Variants in MYMK observed in about 807,000 individuals in gnomAD.
The protein encoded by MYMK is protein myomaker.
A neutral mutation model predicts 22.4 loss-of-function variants in MYMK; 16 were observed. That is an observed-to-expected ratio of 0.72 (90% confidence interval 0.48 to 1.09). The LOEUF (loss-of-function observed/expected upper bound fraction) is 1.09. Among genes scored for constraint, MYMK ranks in the 50% least tolerant of loss-of-function variants. The pLI is 0.00. For missense variants in MYMK, 250 were observed against 295.6 expected, an observed-to-expected ratio of 0.85 and a Z score of 1.13; for synonymous variants, 125 against 127.0, an observed-to-expected ratio of 0.98 and a Z score of 0.11.
chr9:133,520,866 G>A (rs539853357), intron 1 of MYMK, among the ~76,000 whole-genome samples: 12 of 152,274 alleles, frequency 7.9e-5, no homozygotes, highest in Non-Finnish European at 1.5e-4. Flanking sequence ...AACGCCTGGG[G>A]CCTTGTTTAG....
intron 1 of MYMK, 54 bp from the exon 2 acceptor site, chr9:133,520,342 G>T: frequency 7.0e-7 from 1 of 1,437,406 alleles, no homozygotes; most frequent in South Asian, 1.2e-5. Context: ...GCTGGTCCCC[G>T]AGCCACGGCC....
chr9:133,517,156 A>T (rs1171084481), intron 3 of MYMK, among the ~76,000 whole-genome samples: 1 of 152,064 alleles, frequency 6.6e-6, no homozygotes, highest in East Asian at 1.9e-4. Context: ...CAGCGGGAGG[A>T]GCAACCTTCA....
At chr9:133,523,018 G>A (rs1844720513) in intron 1 of MYMK, among the ~76,000 whole-genome samples, 1 of 152,174 alleles carries the variant, frequency 6.6e-6, no homozygotes, top group Non-Finnish European at 1.5e-5. Flanking sequence ...TCTGCCCTGG[G>A]TACTGGCGCT....
rs1844611655 is a variant in MYMK at position 133,514,899 on chromosome 9, C to T, written c.517-114G>A. ...CCGCCTCTGCCAGGGCACTGGGACA[C>T]CTGCAGGAAGCCTCCCCCACGGTCG... is the stretch of plus-strand genomic sequence containing the variant. On this transcript the variant is annotated intron_variant, in intron 4 of 4. Coordinates refer to ENST00000339996, the MANE Select transcript of MYMK (RefSeq NM_001080483.3). The T allele has an allele frequency of 3.3e-6, 4 of 1,217,350 alleles. No homozygotes were observed. The South Asian group carries it at 4.6e-5, about 14-fold the overall frequency. 75.4% of individuals were successfully genotyped at this position (1,217,350 alleles called of 1,614,324 possible).
At chr9:133,517,640 T>TAG (rs1844646605) in intron 3 of MYMK, among the ~76,000 whole-genome samples, 1 of 141,978 alleles carries the variant, frequency 7.0e-6, no homozygotes, top group Non-Finnish European at 1.5e-5. Flanking sequence ...CACTCCAGCC[T>TAG]GGGTGACAAG....
At chr9:133,523,290 T>C (rs540233302) in intron 1 of MYMK, among the ~76,000 whole-genome samples, 2 of 152,380 alleles carry the variant, frequency 1.3e-5, no homozygotes, top group South Asian at 4.1e-4. Flanking sequence ...TGCACTCACA[T>C]GCACTTGGCA....
chr9:133,518,121 G>A (rs1844653631), intron 3 of MYMK, among the ~76,000 whole-genome samples: 1 of 152,238 alleles, frequency 6.6e-6, no homozygotes, highest in South Asian at 2.1e-4. Flanking sequence ...CCCTTGCAAG[G>A]GTGAGCTCCC....
At position 133,515,556 on chromosome 9, in the gene MYMK, T is replaced by G. The variant is rs1844621804; in HGVS notation, c.451A>C (p.Thr151Pro). The part of the protein sequence containing the change: ...KGLYPDKSVY[T>P]QQIGPGLCFG... Reference sequence around the variant, plus strand: ...CAGAGGCCGGGGCCTATCTGCTGGGTGTAGACGCTCTTGTCTGGGTACAGG... The same window carrying G: ...CAGAGGCCGGGGCCTATCTGCTGGGGGTAGACGCTCTTGTCTGGGTACAGG... Residue 151 changes from threonine to proline, a missense_variant, in exon 4 of 5, where the codon ACC (threonine) becomes CCC (proline). By Grantham distance (38) the Thr-to-Pro change is conservative (BLOSUM62 -1). Transcript: ENST00000339996. This position sits in a 1 kb window ranked among gnomAD's most constrained non-coding sequence, Gnocchi z 5.8. The G allele has an allele frequency of 2.5e-6, 4 of 1,614,026 alleles. No homozygotes were observed. The highest frequency in any genetic ancestry group is 3.4e-6 in the Non-Finnish European group (4 of 1,179,942).
In MYMK at chr9:133,520,262, G is replaced by T; in HGVS notation, c.162C>A (p.Gly54=). The change falls in exon 2 of 5, where the codon GGC becomes GGA. Residue 54 remains glycine, a synonymous_variant. Coordinates refer to ENST00000339996, the MANE Select transcript of MYMK (RefSeq NM_001080483.3). ...GACGCATGAAGCACAGCACAGACAAGCCGGGTCCATTGCAGGCATGGTGGA... is the reference window on the plus strand; with the variant it reads ...GACGCATGAAGCACAGCACAGACAATCCGGGTCCATTGCAGGCATGGTGGA... The part of the protein sequence containing the change: ...VALHHACNGP[G]LSVLCFMRHD... 1.2e-6 allele frequency: 2 copies of T among 1,614,184 alleles called. No individual in the cohort carries two copies. Among genetic ancestry groups the T allele is most frequent in the Non-Finnish European group, 1.7e-6 (2 of 1,180,038 alleles).
At position 133,515,685 on chromosome 9, in the gene MYMK, C is replaced by T; in HGVS notation, c.400-78G>A. 2 of 963,684 alleles carry T rather than the reference C, an allele frequency of 2.1e-6. No individual in the cohort carries two copies. The highest frequency in any genetic ancestry group is 1.3e-5 in the South Asian group (1 of 75,372). The allele number at this position is 963,684 out of a possible 1,614,324, so 59.7% of individuals were successfully genotyped here. A position where few individuals can be genotyped will look rare whatever the true frequency, so the allele number is the denominator to read the frequency against. On this transcript the variant is annotated intron_variant, in intron 3 of 4. Transcript: ENST00000339996. The surrounding 1 kb of genome is among the most constrained non-coding windows in gnomAD (Gnocchi z 5.8). ...GCCCCTCCCCAAACCAGCCCGAGAGCTGGCCCTGCACAGGCTCACCCCAGC... is the reference window on the plus strand; with the variant it reads ...GCCCCTCCCCAAACCAGCCCGAGAGTTGGCCCTGCACAGGCTCACCCCAGC...
In MYMK at chr9:133,515,100, C is replaced by T. The variant is rs556748843; in HGVS notation, c.517-315G>A. Among the ~76,000 whole-genome samples the T allele has an allele frequency of 6.6e-6, 1 of 150,802 alleles. No homozygotes were observed. Among genetic ancestry groups the T allele is most frequent in the East Asian group, 2.0e-4 (1 of 5,062 alleles). ...ATCTCCCCCTCTTTTCTCTCCTTAT[C>T]CCTCTTCCCCTGTTCCTCCCTCCCT... On this transcript the variant is annotated intron_variant, in intron 4 of 4. Coordinates refer to ENST00000339996, the MANE Select transcript of MYMK (RefSeq NM_001080483.3). The surrounding 1 kb of genome is among the most constrained non-coding windows in gnomAD (Gnocchi z 5.8).
At chr9:133,521,373 G>T (rs1844701062) in intron 1 of MYMK, among the ~76,000 whole-genome samples, 2 of 152,214 alleles carry the variant, frequency 1.3e-5, no homozygotes, top group African/African-American at 2.4e-5. Flanking sequence ...CTGGAAAGCA[G>T]CCCGTGTCTG....
intron 1 of MYMK, among the ~76,000 whole-genome samples, chr9:133,522,715 CGCTAAG>C (rs1844715637): frequency 6.6e-6 from 1 of 152,172 alleles, no homozygotes; most frequent in Admixed American, 6.5e-5. Flanking sequence ...TTTCTCCCTG[CGCTAAG>C]GCCATGGGAC....
chr9:133,515,362 C>T lies in MYMK; in HGVS notation c.516+129G>A. 1.4e-6 allele frequency: 1 copy of T among 692,164 alleles called. No homozygotes were observed. The highest frequency in any genetic ancestry group is 2.5e-5 in the East Asian group (1 of 39,918). The allele number at this position is 692,164 out of a possible 1,614,324, so 42.9% of individuals were successfully genotyped here. A position where few individuals can be genotyped will look rare whatever the true frequency, so the allele number is the denominator to read the frequency against. On this transcript the variant is annotated intron_variant, in intron 4 of 4. Coordinates refer to ENST00000339996, the MANE Select transcript of MYMK (RefSeq NM_001080483.3). This position sits in a 1 kb window ranked among gnomAD's most constrained non-coding sequence, Gnocchi z 5.8. ...CCTGGGAGGGGCTAGTGAGCAGGGA[C>T]TAATACCAGACTTTGGCCTGGGGCT...
Position 133,515,758 on chromosome 9 carries a change from C to G in MYMK, c.400-151G>C, listed in dbSNP as rs1844623803. 1 of 602,664 alleles carries G rather than the reference C, an allele frequency of 1.7e-6. No homozygotes were observed. The highest frequency in any genetic ancestry group is 3.0e-6 in the Non-Finnish European group (1 of 336,260). 37.3% of individuals were successfully genotyped at this position (602,664 alleles called of 1,614,324 possible). A position where few individuals can be genotyped will look rare whatever the true frequency, so the allele number is the denominator to read the frequency against. ...CTCAGGAGCCTCCTGCCGCACCCAG[C>G]CTCAGATGGCTTCTGCTGGACAGGG... On this transcript the variant is annotated intron_variant, in intron 3 of 4. Coordinates refer to ENST00000339996, the MANE Select transcript of MYMK (RefSeq NM_001080483.3). The surrounding 1 kb of genome is among the most constrained non-coding windows in gnomAD (Gnocchi z 5.8).
In MYMK at chr9:133,520,197, AG is replaced by A. The variant is rs1844684439; in HGVS notation, c.226del (p.Leu76Ter). 6.2e-7 allele frequency: 1 copy of A among 1,613,974 alleles called. No homozygotes were observed. The highest frequency in any genetic ancestry group is 8.5e-7 in the Non-Finnish European group (1 of 1,180,006). ...ACCCATCAGCGAGACCCACATGCTC[AG>A]GGCTGTCCCGTAGACACTGAAATAC... is the stretch of plus-strand genomic sequence containing the variant. ...LEYFSVYGTA[L>X]SMWVSLMALA... On this transcript the variant is annotated frameshift_variant, in exon 2 of 5. Coordinates refer to ENST00000339996, the MANE Select transcript of MYMK (RefSeq NM_001080483.3). LOFTEE classifies it high-confidence loss of function.
intron 2 of MYMK, among the ~76,000 whole-genome samples, chr9:133,519,649 A>T (rs1426429450): frequency 6.6e-6 from 1 of 152,156 alleles, no homozygotes; most frequent in Non-Finnish European, 1.5e-5. Context: ...AAGAGAAGAA[A>T]TGAAGCCCCT....
Position 133,515,460 on chromosome 9 carries a change from GC to G in MYMK, c.516+30del. Reference sequence around the variant, plus strand: ...AGAGCCATGCCGAGTGGGCTCTGGGGCACAGGACACCTCCCCGCTGGGCTTG... The same window carrying G: ...AGAGCCATGCCGAGTGGGCTCTGGGGACAGGACACCTCCCCGCTGGGCTTG... On this transcript the variant is annotated intron_variant, in intron 4 of 4. Transcript: ENST00000339996. The surrounding 1 kb of genome is among the most constrained non-coding windows in gnomAD (Gnocchi z 5.8). 6.9e-7 allele frequency: 1 copy of G among 1,456,522 alleles called. No individual in the cohort carries two copies. The highest frequency in any genetic ancestry group is 9.6e-7 in the Non-Finnish European group (1 of 1,038,280). 90.2% of individuals were successfully genotyped at this position (1,456,522 alleles called of 1,614,324 possible).
At chr9:133,518,349 C>T (rs1344137465) in intron 3 of MYMK, among the ~76,000 whole-genome samples, 1 of 152,214 alleles carries the variant, frequency 6.6e-6, no homozygotes, top group Non-Finnish European at 1.5e-5. Context: ...TGTCATACCA[C>T]ACTCTCCCTC....
Sources: gnomAD v4.1 joint callset for allele counts (sites outside exome capture counted in the v4.1 genomes callset) on GRCh38, gnomAD v4.1.1 for gene constraint, Gnocchi (gnomAD v3.1) non-coding constraint, MANE v1.5 for transcripts, NCBI Gene and HGNC (gene_info 2026-07-23, HGNC 2026-07-21) for gene names.